Variants in TNK2 observed in about 807,000 individuals in gnomAD.
TNK2 encodes the protein activated CDC42 kinase 1.
A neutral mutation model predicts 101.8 loss-of-function variants in TNK2; 83 were observed. That is an observed-to-expected ratio of 0.82 (90% confidence interval 0.68 to 0.98). The LOEUF is 0.98. Among genes scored for constraint, TNK2 ranks in the 50% least tolerant of loss-of-function variants. TNK2 has a pLI of 0.00. For missense variants in TNK2, 1,665 were observed against 1,483.2 expected (o/e 1.12, Z -2.01); for synonymous variants, 804 against 633.0 (o/e 1.27, Z -4.06).
intron 15 of TNK2, 25 bp downstream of exon 15, chr3:195,866,864 G>C: frequency 6.2e-7 from 1 of 1,605,718 alleles, no homozygotes; most frequent in Non-Finnish European, 8.5e-7. Context: ...GGCACGGAGC[G>C]GGGCAGACTG....
At chr3:195,876,692 A>C (rs1331617295) in intron 9 of TNK2, 1 of 452,744 alleles carries the variant, frequency 2.2e-6, no homozygotes, top group East Asian at 7.0e-5. Flanking sequence ...GAGCCCCCAG[A>C]GCCCCACCAG....
intron 12 of TNK2, 93 bp downstream of exon 12, chr3:195,869,395 CTCCCCTCCG>C: frequency 1.7e-6 from 2 of 1,149,914 alleles, no homozygotes; most frequent in South Asian, 2.6e-5. Context: ...ACCCACCCAC[CTCCCCTCCG>C]GCCCAGCCGC....
chr3:195,873,577 G>A (rs537956449), intron 9 of TNK2, among the ~76,000 whole-genome samples: 14 of 152,282 alleles, frequency 9.2e-5, no homozygotes, highest in Non-Finnish European at 1.3e-4. Context: ...GGGTGGACAC[G>A]TGTGGCACCA....
intron 1 of TNK2, among the ~76,000 whole-genome samples, chr3:195,889,972 A>C (rs1266363017): frequency 6.6e-6 from 1 of 152,310 alleles, no homozygotes; most frequent in East Asian, 1.9e-4. Context: ...AGCACTGAGA[A>C]GCAGGCACAC....
chr3:195,905,852 G>C (rs1054244331), intron 1 of TNK2, among the ~76,000 whole-genome samples: 1 of 152,152 alleles, frequency 6.6e-6, no homozygotes, highest in Non-Finnish European at 1.5e-5. Flanking sequence ...CTGATCATGA[G>C]AATTTTTTAG....
chr3:195,903,027 G>A (rs1287981824), intron 1 of TNK2, among the ~76,000 whole-genome samples: 1 of 151,468 alleles, frequency 6.6e-6, no homozygotes, highest in Non-Finnish European at 1.5e-5. Context: ...TGGGATTACA[G>A]GCGTGAGCCA....
Position 195,878,223 on chromosome 3 carries a change from C to T in TNK2, c.1256+30G>A. 6.2e-7 allele frequency: 1 copy of T among 1,609,150 alleles called. No individual in the cohort carries two copies. Among genetic ancestry groups the T allele is most frequent in the Non-Finnish European group, 8.5e-7 (1 of 1,175,582 alleles). On this transcript the variant is annotated intron_variant, in intron 9 of 15. Coordinates refer to ENST00000672887, the MANE Select transcript of TNK2 (RefSeq NM_001382273.1). The surrounding 1 kb of genome is among the most constrained non-coding windows in gnomAD (Gnocchi z 4.7). ...CCGACCTGTGCCCTTCAAGCGATCC[C>T]AGGGCGGGGCCCAGCCCTGCACTCC...
intron 1 of TNK2, among the ~76,000 whole-genome samples, chr3:195,893,841 G>T (rs892691367): frequency 6.6e-6 from 1 of 152,190 alleles, no homozygotes; most frequent in Non-Finnish European, 1.5e-5. Context: ...GGGCTTTGGG[G>T]ACTCAGCATC....
chr3:195,884,767 C>T (rs375019179), intron 4 of TNK2, 45 bp downstream of exon 4: 27 of 1,543,578 alleles, frequency 1.7e-5, no homozygotes, highest in Middle Eastern at 2.3e-4. Context: ...CTACCAGCCC[C>T]GGGTCCCATG....
rs1388462922 is a variant in TNK2 at position 195,888,401 on chromosome 3, C to A, written c.163+25G>T. 1 of 1,607,404 alleles carries A rather than the reference C, an allele frequency of 6.2e-7. No individual in the cohort carries two copies. Among genetic ancestry groups the A allele is most frequent in the Non-Finnish European group, 8.5e-7 (1 of 1,175,548 alleles). ...AGGACGGAAAGGGTCAGGGGCAAGA[C>A]AAGCCAGGCCAACATCCCACCTACC... On this transcript the variant is annotated intron_variant, in intron 2 of 15. Coordinates refer to ENST00000672887, the MANE Select transcript of TNK2 (RefSeq NM_001382273.1). This position sits in a 1 kb window ranked among gnomAD's most constrained non-coding sequence, Gnocchi z 5.3.
At chr3:195,883,501 G>A (rs1329848246) in intron 4 of TNK2, 192 bp from the exon 5 acceptor site, 3 of 603,978 alleles carry the variant, frequency 5.0e-6, no homozygotes, top group Non-Finnish European at 5.7e-6. Flanking sequence ...CAGACGGCTG[G>A]CCCTCAGGAG....
intron 1 of TNK2, chr3:195,895,127 C>T: frequency 2.1e-6 from 2 of 959,448 alleles, no homozygotes; most frequent in Non-Finnish European, 2.9e-6. Flanking sequence ...GTCCCCTGGC[C>T]CAGGAGCAGA....
At chr3:195,906,605 G>A (rs1173000703) in intron 1 of TNK2, among the ~76,000 whole-genome samples, 1 of 152,004 alleles carries the variant, frequency 6.6e-6, no homozygotes, top group African/African-American at 2.4e-5. Context: ...GCGGGGGATG[G>A]AGGGGTTCCA....
Position 195,885,049 on chromosome 3 carries a change from C to T in TNK2, c.235-16G>A, listed in dbSNP as rs1179241665. On this transcript the variant is annotated splice_polypyrimidine_tract_variant and intron_variant, in intron 3 of 15. Coordinates refer to ENST00000672887, the MANE Select transcript of TNK2 (RefSeq NM_001382273.1). This position sits in a 1 kb window ranked among gnomAD's most constrained non-coding sequence, Gnocchi z 4.7. ...CACTGAACACCTGTTTGAAGGCAGC[C>T]GGGGGCCAGATGGAATCCAACACCC... 6 of 1,571,992 alleles carry T rather than the reference C, an allele frequency of 3.8e-6. No individual in the cohort carries two copies. Among genetic ancestry groups the T allele is most frequent in the Non-Finnish European group, 4.3e-6 (5 of 1,155,718 alleles).
At chr3:195,876,451 C>T (rs1051552295) in intron 9 of TNK2, 2 of 456,712 alleles carry the variant, frequency 4.4e-6, no homozygotes, top group African/African-American at 4.0e-5. Context: ...CACACAGAGC[C>T]ATCCGCCTGG....
At chr3:195,884,581 T>G (rs1417512183) in intron 4 of TNK2, 4 of 467,396 alleles carry the variant, frequency 8.6e-6, no homozygotes, top group Non-Finnish European at 1.1e-5. Flanking sequence ...AAGTGGAGGT[T>G]GCAGGAAGCC....
intron 9 of TNK2, among the ~76,000 whole-genome samples, chr3:195,873,550 A>C (rs1030995135): frequency 6.6e-6 from 1 of 152,146 alleles, no homozygotes; most frequent in Non-Finnish European, 1.5e-5. Flanking sequence ...GGGGGCGGTG[A>C]CAGCCCAGAG....
In TNK2 at chr3:195,868,213, G is replaced by C; in HGVS notation, c.2085C>G (p.Pro695=). ...YAFVPEQARP[P]PPLEDNLFLP... Reference sequence around the variant, plus strand: ...GGAACAGGTTGTCCTCCAGGGGAGGGGGCGGCCGCGCCTGCTCAGGCACAA... The same window carrying C: ...GGAACAGGTTGTCCTCCAGGGGAGGCGGCGGCCGCGCCTGCTCAGGCACAA... Residue 695 remains proline, a synonymous_variant, in exon 13 of 16, where the codon CCC becomes CCG. Coordinates refer to ENST00000672887, the MANE Select transcript of TNK2 (RefSeq NM_001382273.1). The C allele has an allele frequency of 6.2e-7, 1 of 1,607,206 alleles. No individual in the cohort carries two copies.
At chr3:195,902,646 T>C (rs199583041) in intron 1 of TNK2, among the ~76,000 whole-genome samples, 2 of 120,476 alleles carry the variant, frequency 1.7e-5, no homozygotes, top group Non-Finnish European at 1.8e-5. Flanking sequence ...AAAACAAACA[T>C]AAAAAAAAAA....
Sources: allele counts gnomAD v4.1 joint callset (sites outside exome capture counted in the v4.1 genomes callset), GRCh38; gene constraint gnomAD v4.1.1; non-coding constraint Gnocchi (gnomAD v3.1); transcripts MANE v1.5; gene names NCBI Gene and HGNC (gene_info 2026-07-23, HGNC 2026-07-21).